The following FBH1 variants were observed in gnomAD, a reference collection of about 807,000 sequenced individuals.
The protein encoded by FBH1 is F-box DNA helicase 1.
A neutral mutation model predicts 115.5 loss-of-function variants in FBH1; 43 were observed. The observed-to-expected ratio is 0.37, with a 90% confidence interval of 0.29 to 0.48. FBH1 has a LOEUF of 0.48. Among genes scored for constraint, FBH1 ranks in the 20% least tolerant of loss-of-function variants. The pLI, the probability that FBH1 is intolerant of heterozygous loss-of-function variation, is 0.99. For missense variants in FBH1, 1,001 were observed against 1,337.3 expected, an observed-to-expected ratio of 0.75 and a Z score of 3.92; for synonymous variants, 524 against 507.8, an observed-to-expected ratio of 1.03 and a Z score of -0.43.
chr10:5,922,361 A>G (rs1362494728), intron 15 of FBH1, among the ~76,000 whole-genome samples: 1 of 152,196 alleles, frequency 6.6e-6, no homozygotes, highest in Non-Finnish European at 1.5e-5. Context: ...CATAATTGCA[A>G]TTGTAGGGTA....
At position 5,932,139 on chromosome 10, in the gene FBH1, C is replaced by G. The variant is rs527965555; in HGVS notation, c.2830-4317C>G. On this transcript the variant is annotated intron_variant, in intron 19 of 20. Coordinates refer to ENST00000362091, the MANE Select transcript of FBH1 (RefSeq NM_178150.3). This position sits in a 1 kb window ranked among gnomAD's most constrained non-coding sequence, Gnocchi z 5.9. ...TCCAGCCTGGGTGACAGAGTGAGACCCTGTCTCAAAAGAAAAGATCAAAAC... is the reference window on the plus strand; with the variant it reads ...TCCAGCCTGGGTGACAGAGTGAGACGCTGTCTCAAAAGAAAAGATCAAAAC... Among the ~76,000 whole-genome samples, 13 of 152,150 alleles carry G rather than the reference C, an allele frequency of 8.5e-5. No homozygotes were observed. In the East Asian group the frequency reaches 1.5e-3, roughly 18 times the overall value.
Position 5,915,333 on chromosome 10 carries a change from C to A in FBH1, c.1397-70C>A. On this transcript the variant is annotated intron_variant, in intron 8 of 20. Transcript: ENST00000362091. This position sits in a 1 kb window ranked among gnomAD's most constrained non-coding sequence, Gnocchi z 5.2. Reference sequence around the variant, plus strand: ...AGAGGTGTGATAAGCCTGGACAAGGCCTGATTGGGGATCCCTGGGCATGTC... The same window carrying A: ...AGAGGTGTGATAAGCCTGGACAAGGACTGATTGGGGATCCCTGGGCATGTC... 1 of 1,538,514 alleles carries A rather than the reference C, an allele frequency of 6.5e-7. No individual in the cohort carries two copies. The highest frequency in any genetic ancestry group is 8.9e-7 in the Non-Finnish European group (1 of 1,125,344).
In FBH1 at chr10:5,914,038, A is replaced by G. The variant is rs1291543190; in HGVS notation, c.1305-140A>G. ...CAGCATCATAATCTAGCTTTAGAAC[A>G]TGTTTATTCTCGTAAGGGGAGGCCT... On this transcript the variant is annotated intron_variant, in intron 7 of 20. Coordinates refer to ENST00000362091, the MANE Select transcript of FBH1 (RefSeq NM_178150.3). The surrounding 1 kb of genome is among the most constrained non-coding windows in gnomAD (Gnocchi z 5.2). The G allele has an allele frequency of 4.7e-6, 4 of 845,958 alleles. No homozygotes were observed. The highest frequency in any genetic ancestry group is 3.4e-5 in the African/African-American group (2 of 58,548). 52.4% of individuals were successfully genotyped at this position (845,958 alleles called of 1,614,324 possible).
At chr10:5,898,550 A>G (rs1564431550) in intron 1 of FBH1, among the ~76,000 whole-genome samples, 1 of 152,070 alleles carries the variant, frequency 6.6e-6, no homozygotes, top group South Asian at 2.1e-4. Context: ...AGCTGGGGTT[A>G]CAGGTGCCCG....
In FBH1 at chr10:5,924,316, C is replaced by G; in HGVS notation, c.2404C>G (p.Leu802Val). The change falls in exon 17 of 21, where the codon CTC (leucine) becomes GTC (valine). Residue 802 changes from leucine (L) to valine (V), a missense_variant. Physicochemically the swap from Leu to Val is conservative, Grantham distance 32 (BLOSUM62 1). This residue lies in a region of FBH1 where 521 missense variants were observed against 811.0 expected (regional missense o/e 0.64). Coordinates refer to ENST00000362091, the MANE Select transcript of FBH1 (RefSeq NM_178150.3). The surrounding 1 kb of genome is among the most constrained non-coding windows in gnomAD (Gnocchi z 6.2). ...TGTGTGTATATTCTTCTTAGAAAAC[C>G]TCGTCATTAAAGACAAATTTATCAG... ...QPEEERRKQN[L>V]VIKDKFIRRW... 1 of 1,614,168 alleles carries G rather than the reference C, an allele frequency of 6.2e-7. No homozygotes were observed.
intron 1 of FBH1, among the ~76,000 whole-genome samples, chr10:5,898,783 T>C (rs1310554706): frequency 2.0e-5 from 3 of 152,176 alleles, no homozygotes; most frequent in African/African-American, 4.8e-5. Context: ...ACATGAACGT[T>C]GAGTACATGG....
Position 5,906,563 on chromosome 10 carries a change from G to C in FBH1, c.684G>C (p.Pro228=). The C allele has an allele frequency of 6.2e-7, 1 of 1,613,910 alleles. No individual in the cohort carries two copies. The highest frequency in any genetic ancestry group is 8.5e-7 in the Non-Finnish European group (1 of 1,180,028). The change falls in exon 3 of 21, where the codon CCG becomes CCC. Residue 228 remains proline, a synonymous_variant. Transcript: ENST00000362091. This position sits in a 1 kb window ranked among gnomAD's most constrained non-coding sequence, Gnocchi z 7.3. ...EVLRHVFAFL[P]VEDLYWNLSL... ...TGAGGCACGTGTTTGCCTTCCTCCC[G>C]GTGGAAGACCTCTATTGGAACCTGA...
In FBH1 at chr10:5,915,027, C is replaced by T. The variant is rs931323963; in HGVS notation, c.1397-376C>T. On this transcript the variant is annotated intron_variant, in intron 8 of 20. Transcript: ENST00000362091. The surrounding 1 kb of genome is among the most constrained non-coding windows in gnomAD (Gnocchi z 5.2). The stretch of plus-strand genomic sequence containing the variant: ...AGGTGGAATTCAAAGCTGGACCTGT[C>T]TCTCTCCAGAGACATGCCTTCCCCC... 6.6e-6 allele frequency among the ~76,000 whole-genome samples: 1 copy of T among 152,134 alleles called. No homozygotes were observed. The highest frequency in any genetic ancestry group is 1.5e-5 in the Non-Finnish European group (1 of 68,026).
In FBH1 at chr10:5,925,160, C is replaced by T. The variant is rs1375236671; in HGVS notation, c.2597-207C>T. 9 of 586,584 alleles carry T rather than the reference C, an allele frequency of 1.5e-5. No homozygotes were observed. Among genetic ancestry groups the T allele is most frequent in the Admixed American group, 3.3e-5 (1 of 29,870 alleles). The allele number at this position is 586,584 out of a possible 1,614,324, so 36.3% of individuals were successfully genotyped here. A position where few individuals can be genotyped will look rare whatever the true frequency, so the allele number is the denominator to read the frequency against. ...CGTTAACTCTCCTGCAACTAATTTT[C>T]GACTTTTCCCCTCGTCTTTTTCTTT... is the stretch of plus-strand genomic sequence containing the variant. On this transcript the variant is annotated intron_variant, in intron 17 of 20. Transcript: ENST00000362091. This position sits in a 1 kb window ranked among gnomAD's most constrained non-coding sequence, Gnocchi z 4.6.
intron 13 of FBH1, among the ~76,000 whole-genome samples, chr10:5,919,586 G>T (rs1176004454): frequency 3.3e-5 from 5 of 152,154 alleles, no homozygotes; most frequent in Admixed American, 1.3e-4. Context: ...CTCTTTGGAG[G>T]CTTTTTAAGT....
At position 5,906,652 on chromosome 10, in the gene FBH1, G is replaced by A. The variant is rs1365371121; in HGVS notation, c.753+20G>A. ...CCGCTGGTGAGTGAGTGCTGGAGTC[G>A]GGAGATGTTTCCTCTAAAAGCACGT... On this transcript the variant is annotated intron_variant, in intron 3 of 20. Coordinates refer to ENST00000362091, the MANE Select transcript of FBH1 (RefSeq NM_178150.3). The surrounding 1 kb of genome is among the most constrained non-coding windows in gnomAD (Gnocchi z 7.3). 5.7e-6 allele frequency: 9 copies of A among 1,567,176 alleles called. No homozygotes were observed. The highest frequency in any genetic ancestry group is 1.7e-5 in the Admixed American group (1 of 57,632).
chr10:5,896,853 C>G (rs1843039111), intron 1 of FBH1, among the ~76,000 whole-genome samples: 1 of 152,080 alleles, frequency 6.6e-6, no homozygotes, highest in African/African-American at 2.4e-5. Flanking sequence ...AGTGCACTTG[C>G]TGTGTAGAGA....
At position 5,906,727 on chromosome 10, in the gene FBH1, T is replaced by A; in HGVS notation, c.753+95T>A. 3 of 1,100,758 alleles carry A rather than the reference T, an allele frequency of 2.7e-6. No individual in the cohort carries two copies. Among genetic ancestry groups the A allele is most frequent in the Non-Finnish European group, 3.9e-6 (3 of 773,012 alleles). 68.2% of individuals were successfully genotyped at this position (1,100,758 alleles called of 1,614,324 possible). ...ATCAGAGGATCTTTTCAGAAATGGTTTCCATTTGCCTTCAGAAGACATTCA... is the reference window on the plus strand; with the variant it reads ...ATCAGAGGATCTTTTCAGAAATGGTATCCATTTGCCTTCAGAAGACATTCA... On this transcript the variant is annotated intron_variant, in intron 3 of 20. Coordinates refer to ENST00000362091, the MANE Select transcript of FBH1 (RefSeq NM_178150.3). The surrounding 1 kb of genome is among the most constrained non-coding windows in gnomAD (Gnocchi z 7.3).
intron 19 of FBH1, 121 bp downstream of exon 19, chr10:5,927,662 G>T: frequency 1.4e-6 from 1 of 708,402 alleles, no homozygotes; most frequent in Non-Finnish European, 2.4e-6. Context: ...GAAGAGAAAC[G>T]CTGCTTGAAC....
chr10:5,928,651 T>A (rs1025788247), intron 19 of FBH1: 18 of 152,186 alleles, frequency 1.2e-4, no homozygotes, highest in African/African-American at 4.3e-4. Context: ...CAGCACTCAC[T>A]CTTTACCCTT....
Position 5,917,234 on chromosome 10 carries a change from A to G in FBH1, c.1789-186A>G, listed in dbSNP as rs1832020243. 3 of 598,686 alleles carry G rather than the reference A, an allele frequency of 5.0e-6. No homozygotes were observed. The allele number at this position is 598,686 out of a possible 1,614,324, so 37.1% of individuals were successfully genotyped here. A position where few individuals can be genotyped will look rare whatever the true frequency, so the allele number is the denominator to read the frequency against. On this transcript the variant is annotated intron_variant, in intron 10 of 20. Transcript: ENST00000362091. This position sits in a 1 kb window ranked among gnomAD's most constrained non-coding sequence, Gnocchi z 5.6. ...GCACGGCCCGGCTGCTTCCTGTCTCAGCACTGGAGACCCTCTGGCGTGGAG... is the reference window on the plus strand; with the variant it reads ...GCACGGCCCGGCTGCTTCCTGTCTCGGCACTGGAGACCCTCTGGCGTGGAG...
rs930966518 is a variant in FBH1, at chr10:5,931,127, T to A, written c.2829+3586T>A. On this transcript the variant is annotated intron_variant, in intron 19 of 20. Transcript: ENST00000362091. This position sits in a 1 kb window ranked among gnomAD's most constrained non-coding sequence, Gnocchi z 4.3. The stretch of plus-strand genomic sequence containing the variant: ...CATATAGCAGTTTAAAATGATGATG[T>A]TGTGAGCATCCACCAGATTAGAAGA... 7.8e-6 allele frequency among the ~76,000 whole-genome samples: 1 copy of A among 128,274 alleles called. No individual in the cohort carries two copies. Among genetic ancestry groups the A allele is most frequent in the Non-Finnish European group, 1.8e-5 (1 of 55,528 alleles). The allele number at this position is 128,274 out of a possible 152,430, so 84.2% of individuals were successfully genotyped here.
chr10:5,915,622 TTAC>T lies in FBH1; in HGVS notation c.1565+53_1565+55del. On this transcript the variant is annotated intron_variant, in intron 9 of 20. Coordinates refer to ENST00000362091, the MANE Select transcript of FBH1 (RefSeq NM_178150.3). This position sits in a 1 kb window ranked among gnomAD's most constrained non-coding sequence, Gnocchi z 5.2. ...CTGTTGCTGCTGGCACGGTCGCGTCTTACTGTTTTCCCGTGACGATCACATGTG... is the reference window on the plus strand; with the variant it reads ...CTGTTGCTGCTGGCACGGTCGCGTCTTGTTTTCCCGTGACGATCACATGTG... The T allele has an allele frequency of 6.4e-7, 1 of 1,567,934 alleles. No individual in the cohort carries two copies.
chr10:5,891,045 G>A, intron 1 of FBH1: 1 of 483,748 alleles, frequency 2.1e-6, no homozygotes, highest in Non-Finnish European at 2.7e-6. Flanking sequence ...AACCCTATGA[G>A]GCATCAGTAG....
Sources: gnomAD v4.1 joint callset for allele counts (sites outside exome capture counted in the v4.1 genomes callset) on GRCh38, gnomAD v4.1.1 for gene constraint, gnomAD v4.1.1 regional missense constraint, Gnocchi (gnomAD v3.1) non-coding constraint, MANE v1.5 for transcripts, NCBI Gene and HGNC (gene_info 2026-07-23, HGNC 2026-07-21) for gene names.